DAGLB: variants seen among roughly 807,000 people sequenced by gnomAD.
DAGLB encodes the protein diacylglycerol lipase-beta.
DAGLB carries 66 observed loss-of-function variants against 72.1 expected under a neutral mutation model. The observed-to-expected ratio is 0.92, with a 90% CI of 0.75 to 1.12. The LOEUF is 1.12. DAGLB is among the 50% of genes most tolerant of loss of function. The pLI, the probability that DAGLB is intolerant of heterozygous loss-of-function variation, is 0.00. For missense variants in DAGLB, 1,065 were observed against 884.9 expected (o/e 1.20, Z -2.58); for synonymous variants, 414 against 359.5 (o/e 1.15, Z -1.71).
chr7:6,438,283 T>C (rs922753716), intron 2 of DAGLB, among the ~76,000 whole-genome samples: 4 of 152,178 alleles, frequency 2.6e-5, no homozygotes, highest in East Asian at 1.9e-4. Context: ...CACACCAACA[T>C]GGCACATGTA....
intron 6 of DAGLB, among the ~76,000 whole-genome samples, chr7:6,429,335 C>G (rs1024321148): frequency 6.6e-6 from 1 of 151,964 alleles, no homozygotes. Flanking sequence ...AATATCTGCA[C>G]TGTCCTCTTC....
intron 11 of DAGLB, among the ~76,000 whole-genome samples, chr7:6,415,644 A>ATT: frequency 6.6e-6 from 1 of 151,406 alleles, no homozygotes; most frequent in Non-Finnish European, 1.5e-5. Flanking sequence ...GGAGATCGAG[A>ATT]CCATCCTGGC....
rs373048410 is a variant in DAGLB at position 6,418,825 on chromosome 7, C to T, written c.1219-1904G>A. ...GACTACAGGCGCCCGCCACCACGCCCGGCTAATTTTTTGTATTTTTAGTAG... is the reference window on the plus strand; with the variant it reads ...GACTACAGGCGCCCGCCACCACGCCTGGCTAATTTTTTGTATTTTTAGTAG... On this transcript the variant is annotated intron_variant, in intron 9 of 14. Coordinates refer to ENST00000297056, the MANE Select transcript of DAGLB (RefSeq NM_139179.4). Among the ~76,000 whole-genome samples the T allele has an allele frequency of 3.1e-3, 472 of 152,152 alleles. 3 individuals carry two copies. Among genetic ancestry groups the T allele is most frequent in the African/African-American group, 0.01 (436 of 41,528 alleles).
At chr7:6,430,426 G>A (rs1417107666) in intron 6 of DAGLB, 54 bp downstream of exon 6, 2 of 1,414,142 alleles carry the variant, frequency 1.4e-6, no homozygotes, top group Non-Finnish European at 1.9e-6. Flanking sequence ...TCTCAAAATA[G>A]CTTTTTTTTT....
intron 6 of DAGLB, among the ~76,000 whole-genome samples, chr7:6,430,230 G>C (rs1197879465): frequency 1.8e-5 from 2 of 111,084 alleles, no homozygotes; most frequent in African/African-American, 7.3e-5. Flanking sequence ...AAAATGGTTC[G>C]GGGAAAAAAA....
rs1208036966 is a variant in DAGLB at position 6,410,035 on chromosome 7, C to G, written c.1821G>C (p.Arg607=). The change falls in exon 15 of 15, where the codon CGG becomes CGC. Residue 607 remains arginine (R), a splice_region_variant and synonymous_variant. Transcript: ENST00000297056. ...AGTGAGCAGCAGAGCAGCAGCCAAA[C>G]CTGAAGCAGAAAAGGAGAGACAGCT... The part of the protein sequence containing the change: ...IHLQEEGASG[R]FGCCSAAHYS... 2 of 1,611,902 alleles carry G rather than the reference C, an allele frequency of 1.2e-6. No individual in the cohort carries two copies. Among genetic ancestry groups the G allele is most frequent in the African/African-American group, 2.7e-5 (2 of 74,920 alleles).
At chr7:6,428,718 C>A (rs1022102651) in intron 6 of DAGLB, among the ~76,000 whole-genome samples, 1 of 152,148 alleles carries the variant, frequency 6.6e-6, no homozygotes, top group Non-Finnish European at 1.5e-5. Flanking sequence ...AACTCCTGAC[C>A]TCAGGTGATC....
chr7:6,416,998 C>T (rs1176937329), intron 9 of DAGLB, 77 bp from the exon 10 acceptor site: 6 of 1,490,882 alleles, frequency 4.0e-6, no homozygotes, highest in Admixed American at 1.7e-5. Flanking sequence ...GATGGGATGA[C>T]GCTGTGCACT....
chr7:6,444,145 G>A lies in DAGLB; in HGVS notation c.247+1808C>T, dbSNP rs1246238458. Among the ~76,000 whole-genome samples, 7 of 152,194 alleles carry A rather than the reference G, an allele frequency of 4.6e-5. No individual in the cohort carries two copies. The South Asian group carries it at 6.2e-4, about 14-fold the overall frequency. ...AAAAATTAGCCAGGTATGGTGGCAC[G>A]TGCCTGTACTTCCAGCTACTTGGGG... On this transcript the variant is annotated intron_variant, in intron 2 of 14. Coordinates refer to ENST00000297056, the MANE Select transcript of DAGLB (RefSeq NM_139179.4).
intron 1 of DAGLB, among the ~76,000 whole-genome samples, chr7:6,446,376 G>C (rs924275671): frequency 2.0e-5 from 3 of 147,352 alleles, no homozygotes; most frequent in African/African-American, 5.0e-5. Flanking sequence ...TACTCGAGAG[G>C]CTGAGACAGG....
chr7:6,429,344 T>C (rs1309478413), intron 6 of DAGLB, among the ~76,000 whole-genome samples: 1 of 151,856 alleles, frequency 6.6e-6, no homozygotes, highest in Non-Finnish European at 1.5e-5. Context: ...ACTGTCCTCT[T>C]CAAAATGTCA....
At chr7:6,427,492 T>G (rs548457051) in intron 6 of DAGLB, among the ~76,000 whole-genome samples, 1 of 152,158 alleles carries the variant, frequency 6.6e-6, no homozygotes, top group Non-Finnish European at 1.5e-5. Flanking sequence ...TTTATTAATT[T>G]AAAACATTTT....
intron 9 of DAGLB, among the ~76,000 whole-genome samples, chr7:6,418,200 T>C (rs1481228688): frequency 1.3e-5 from 2 of 151,872 alleles, no homozygotes; most frequent in Non-Finnish European, 2.9e-5. Context: ...TATACATCTG[T>C]CCTCTGAAAC....
chr7:6,412,667 G>T, intron 13 of DAGLB, 144 bp downstream of exon 13: 1 of 929,046 alleles, frequency 1.1e-6, no homozygotes, highest in Non-Finnish European at 1.7e-6. Flanking sequence ...TCCTAGCCCA[G>T]AATCTGATCA....
At position 6,410,170 on chromosome 7, in the gene DAGLB, C is replaced by G. The variant is rs766835420; in HGVS notation, c.1780G>C (p.Gly594Arg). The G allele has an allele frequency of 2.5e-6, 4 of 1,585,410 alleles. No individual in the cohort carries two copies. The highest frequency in any genetic ancestry group is 3.4e-6 in the Non-Finnish European group (4 of 1,163,146). Residue 594 changes from glycine (G) to arginine (R), a missense_variant, in exon 14 of 15, where the codon GGC becomes CGC. By Grantham distance (125) the Gly-to-Arg change is moderately radical. Transcript: ENST00000297056. ...TCCTCCTGCAGGTGGATGATCCTGC[C>G]GGGAGGGTAGAGAGGGGGGTACTTG... ...SPKYPPLYPP[G>R]RIIHLQEEGA...
chr7:6,421,921 C>G lies in DAGLB; in HGVS notation c.1141-117G>C, dbSNP rs768504659. The G allele has an allele frequency of 2.6e-6, 3 of 1,153,150 alleles. No homozygotes were observed. In the African/African-American group the frequency reaches 4.6e-5, roughly 18 times the overall value. The allele number at this position is 1,153,150 out of a possible 1,614,324, so 71.4% of individuals were successfully genotyped here. A position where few individuals can be genotyped will look rare whatever the true frequency, so the allele number is the denominator to read the frequency against. ...AGGATGGCGGGGATGGCACCATCTC[C>G]TAGTTCGGTCCTGGGACTGAACCCT... is the stretch of plus-strand genomic sequence containing the variant. On this transcript the variant is annotated intron_variant, in intron 8 of 14. Coordinates refer to ENST00000297056, the MANE Select transcript of DAGLB (RefSeq NM_139179.4).
chr7:6,436,106 G>C (rs971422766), intron 3 of DAGLB, among the ~76,000 whole-genome samples: 2 of 151,858 alleles, frequency 1.3e-5, no homozygotes, highest in Non-Finnish European at 2.9e-5. Flanking sequence ...AAAAAAGAGA[G>C]AGAGACAGAA....
chr7:6,446,159 T>C, intron 1 of DAGLB, 55 bp from the exon 2 acceptor site: 1 of 1,532,132 alleles, frequency 6.5e-7, no homozygotes, highest in African/African-American at 1.4e-5. Flanking sequence ...AGCTGCTGTG[T>C]AGAACATGAT....
At chr7:6,437,855 T>C (rs1017053996) in intron 2 of DAGLB, among the ~76,000 whole-genome samples, 2 of 152,156 alleles carry the variant, frequency 1.3e-5, no homozygotes, top group African/African-American at 4.8e-5. Flanking sequence ...TTGGCCAGGC[T>C]GGTCTTGAAC....
Sources: allele counts gnomAD v4.1 joint callset (sites outside exome capture counted in the v4.1 genomes callset), GRCh38; gene constraint gnomAD v4.1.1; transcripts MANE v1.5; gene names NCBI Gene and HGNC (gene_info 2026-07-23, HGNC 2026-07-21).